IQCM: variants seen among roughly 807,000 people sequenced by gnomAD.
IQCM encodes IQ motif containing M, also known as IQ domain-containing protein M.
In IQCM, 45 loss-of-function variants were observed where a neutral mutation model predicts 57.6. The observed-to-expected ratio is 0.78, with a 90% CI of 0.62 to 1.00. IQCM has a LOEUF of 1.00. Among genes scored for constraint, IQCM ranks in the 50% least tolerant of loss-of-function variants. The pLI is 0.00. For synonymous variants in IQCM, 148 were observed against 158.9 expected (o/e 0.93, Z 0.51); for missense variants, 468 against 511.6 (o/e 0.91, Z 0.82).
intron 13 of IQCM, among the ~76,000 whole-genome samples, chr4:149,424,273 C>A (rs1426897959): frequency 6.6e-6 from 1 of 151,628 alleles, no homozygotes. Flanking sequence ...CATTGAAAGG[C>A]TATATTTTAC....
At chr4:149,570,253 T>C (rs2149956771) in intron 9 of IQCM, among the ~76,000 whole-genome samples, 1 of 152,222 alleles carries the variant, frequency 6.6e-6, no homozygotes, top group South Asian at 2.1e-4. Flanking sequence ...TATCATAATG[T>C]AATTGAAAAA....
intron 5 of IQCM, among the ~76,000 whole-genome samples, chr4:149,712,913 C>T (rs569178748): frequency 1.3e-5 from 2 of 152,148 alleles, no homozygotes; most frequent in South Asian, 2.1e-4. Context: ...AATTAACTGC[C>T]TAGGTCAGGA....
chr4:149,589,480 A>C (rs1423894851), intron 8 of IQCM, among the ~76,000 whole-genome samples: 1 of 152,032 alleles, frequency 6.6e-6, no homozygotes, highest in Non-Finnish European at 1.5e-5. Flanking sequence ...TCCTGCAAAA[A>C]TACTCAGCAT....
chr4:149,741,975 T>C (rs1269601010), intron 3 of IQCM, among the ~76,000 whole-genome samples: 1 of 152,130 alleles, frequency 6.6e-6, no homozygotes, highest in Non-Finnish European at 1.5e-5. Context: ...GCTAGAAGAT[T>C]ATACAGTGTG....
intron 13 of IQCM, among the ~76,000 whole-genome samples, chr4:149,378,863 C>A (rs141805842): frequency 1.3e-5 from 2 of 152,150 alleles, no homozygotes; most frequent in Non-Finnish European, 2.9e-5. Flanking sequence ...TACAACAGCC[C>A]CTCCCATCAC....
intron 2 of IQCM, among the ~76,000 whole-genome samples, chr4:149,798,424 G>A (rs2150043859): frequency 6.6e-6 from 1 of 152,022 alleles, no homozygotes; most frequent in Non-Finnish European, 1.5e-5. Context: ...AAGAAGGAAA[G>A]CAAGAAGGAA....
At chr4:149,598,443 A>T (rs970762821) in intron 8 of IQCM, among the ~76,000 whole-genome samples, 2 of 152,194 alleles carry the variant, frequency 1.3e-5, no homozygotes, top group African/African-American at 4.8e-5. Flanking sequence ...GAAATGAAAG[A>T]TAGCACAAGA....
intron 12 of IQCM, among the ~76,000 whole-genome samples, chr4:149,537,759 T>C (rs1249850121): frequency 6.6e-6 from 1 of 151,936 alleles, no homozygotes; most frequent in Non-Finnish European, 1.5e-5. Context: ...ATAAGATTAA[T>C]GACTGATTTC....
At chr4:149,755,046 T>C (rs1768832447) in intron 2 of IQCM, among the ~76,000 whole-genome samples, 1 of 152,192 alleles carries the variant, frequency 6.6e-6, no homozygotes. Context: ...CTACGTCCTA[T>C]TCATTAGCAA....
At chr4:149,575,813 T>C (rs1048119776) in intron 9 of IQCM, among the ~76,000 whole-genome samples, 6 of 151,686 alleles carry the variant, frequency 4.0e-5, no homozygotes, top group Admixed American at 2.6e-4. Flanking sequence ...GCACTCACTA[T>C]GGGAGAAGAG....
intron 8 of IQCM, among the ~76,000 whole-genome samples, chr4:149,619,131 T>TATATATATATATATATATACAC (rs1491165190): frequency 7.0e-6 from 1 of 142,000 alleles, no homozygotes; most frequent in African/African-American, 2.8e-5. Flanking sequence ...TATATATATA[T>TATATATATATATATATATACAC]ACACCATGGA....
At chr4:149,613,635 T>G (rs1037723126) in intron 8 of IQCM, among the ~76,000 whole-genome samples, 4 of 152,022 alleles carry the variant, frequency 2.6e-5, no homozygotes, top group Admixed American at 2.6e-4. Flanking sequence ...TAGTTACATA[T>G]GTATACATGT....
rs995991 is a variant in IQCM, at chr4:149,789,989, T to C, written c.-49+25322A>G. ...AAAAGAAAGGCAGAAGAGAAGATACTCAGAAACGAGTTTCCAAGACACAGA... is the reference window on the plus strand; with the variant it reads ...AAAAGAAAGGCAGAAGAGAAGATACCCAGAAACGAGTTTCCAAGACACAGA... On this transcript the variant is annotated intron_variant, in intron 2 of 13. Coordinates refer to ENST00000636793, the MANE Select transcript of IQCM (RefSeq NM_001363507.2). 19 of 343,670 alleles carry C rather than the reference T, an allele frequency of 5.5e-5. No homozygotes were observed. In the South Asian group the frequency reaches 8.1e-4, roughly 15 times the overall value. 21.3% of individuals were successfully genotyped at this position (343,670 alleles called of 1,614,324 possible).
intron 12 of IQCM, among the ~76,000 whole-genome samples, chr4:149,469,495 G>A (rs1056317657): frequency 4.6e-5 from 7 of 152,188 alleles, no homozygotes; most frequent in Non-Finnish European, 1.0e-4. Context: ...ATCTACATCT[G>A]ATTGGTATAC....
intron 8 of IQCM, among the ~76,000 whole-genome samples, chr4:149,618,638 A>G (rs974349346): frequency 6.6e-6 from 1 of 152,108 alleles, no homozygotes; most frequent in Non-Finnish European, 1.5e-5. Flanking sequence ...TAGAAATGCA[A>G]ACAAGAAAAA....
At chr4:149,762,964 T>C (rs1455856755) in intron 2 of IQCM, among the ~76,000 whole-genome samples, 2 of 152,090 alleles carry the variant, frequency 1.3e-5, no homozygotes, top group Non-Finnish European at 2.9e-5. Context: ...CATGTAAATA[T>C]GTATTGAGAA....
intron 12 of IQCM, among the ~76,000 whole-genome samples, chr4:149,534,300 TG>T (rs1391260872): frequency 6.6e-6 from 1 of 152,160 alleles, no homozygotes; most frequent in African/African-American, 2.4e-5. Flanking sequence ...GTGCCTTTTT[TG>T]ATTAGTATTA....
chr4:149,781,416 G>A (rs939380753), intron 2 of IQCM, among the ~76,000 whole-genome samples: 3 of 152,074 alleles, frequency 2.0e-5, no homozygotes, highest in African/African-American at 7.2e-5. Flanking sequence ...TATATGCTAC[G>A]TTTATGCTAC....
chr4:149,617,220 G>C (rs1411715211), intron 8 of IQCM, among the ~76,000 whole-genome samples: 1 of 152,066 alleles, frequency 6.6e-6, no homozygotes, highest in Admixed American at 6.6e-5. Flanking sequence ...CTCCCATAGT[G>C]CTGGAATTAC....
Sources: allele counts gnomAD v4.1 joint callset (sites outside exome capture counted in the v4.1 genomes callset), GRCh38; gene constraint gnomAD v4.1.1; transcripts MANE v1.5; gene names NCBI Gene and HGNC (gene_info 2026-07-23, HGNC 2026-07-21).